The following ROBO2 variants were observed in gnomAD, a reference collection of about 807,000 sequenced individuals.
ROBO2 encodes the protein roundabout guidance receptor 2.
ROBO2 carries 53 observed loss-of-function variants against 160.8 expected under a neutral mutation model. The ratio of observed to expected loss-of-function variants is 0.33; its 90% CI spans 0.26 to 0.41. ROBO2 has a LOEUF of 0.41. Among genes scored for constraint, ROBO2 ranks in the 10% least tolerant of loss-of-function variants. The pLI, the probability that ROBO2 is intolerant of heterozygous loss-of-function variation, is 1.00. For missense variants in ROBO2, 1,577 were observed against 1,722.4 expected, an observed-to-expected ratio of 0.92 and a Z score of 1.49; for synonymous variants, 664 against 611.7, an observed-to-expected ratio of 1.09 and a Z score of -1.26.
At chr3:76,751,801 G>A (rs1307673094) in intron 2 of ROBO2, among the ~76,000 whole-genome samples, 1 of 152,144 alleles carries the variant, frequency 6.6e-6, no homozygotes, top group Non-Finnish European at 1.5e-5. Context: ...AACAGGTGCT[G>A]GAGAGGATGT....
At chr3:76,263,797 C>G (rs1296150639) in intron 2 of ROBO2, among the ~76,000 whole-genome samples, 1 of 151,998 alleles carries the variant, frequency 6.6e-6, no homozygotes, top group African/African-American at 2.4e-5. Context: ...CTATTTACAA[C>G]AGCAAAGACT....
intron 2 of ROBO2, among the ~76,000 whole-genome samples, chr3:76,931,267 T>C (rs2324698): frequency 0.034 from 5,183 of 152,284 alleles, 280 homozygotes; most frequent in African/African-American, 0.12. Flanking sequence ...AAAATAACTT[T>C]AAGCCAATTA....
intron 2 of ROBO2, among the ~76,000 whole-genome samples, chr3:77,168,005 G>GA (rs1173574259): frequency 3.3e-5 from 5 of 152,168 alleles, no homozygotes; most frequent in Admixed American, 6.5e-5. Flanking sequence ...ATTTAAATGA[G>GA]AAAAAATAAT....
intron 2 of ROBO2, among the ~76,000 whole-genome samples, chr3:77,269,495 C>T (rs2059350864): frequency 6.6e-6 from 1 of 152,108 alleles, no homozygotes; most frequent in African/African-American, 2.4e-5. Context: ...TAGAATTCAT[C>T]TGCGAGCCAC....
At chr3:76,539,116 T>C (rs1367914199) in intron 2 of ROBO2, among the ~76,000 whole-genome samples, 1 of 152,104 alleles carries the variant, frequency 6.6e-6, no homozygotes, top group Non-Finnish European at 1.5e-5. Flanking sequence ...ACACTGCACG[T>C]TCTCACTCAT....
chr3:76,468,274 A>C (rs2078463997), intron 2 of ROBO2, among the ~76,000 whole-genome samples: 1 of 152,168 alleles, frequency 6.6e-6, no homozygotes, highest in Admixed American at 6.6e-5. Flanking sequence ...TCAGCACTTT[A>C]AACAAATAAC....
At chr3:76,249,726 A>G (rs1462190818) in intron 2 of ROBO2, among the ~76,000 whole-genome samples, 2 of 152,122 alleles carry the variant, frequency 1.3e-5, no homozygotes, top group South Asian at 2.1e-4. Flanking sequence ...AAGACAGACA[A>G]TTCCACAATG....
chr3:77,345,344 C>A (rs1409258988), intron 2 of ROBO2, among the ~76,000 whole-genome samples: 2 of 152,066 alleles, frequency 1.3e-5, no homozygotes, highest in South Asian at 4.1e-4. Flanking sequence ...ACTTGGAAAT[C>A]ACACACCCTT....
At chr3:76,793,103 A>G (rs2063472584) in intron 2 of ROBO2, among the ~76,000 whole-genome samples, 1 of 151,888 alleles carries the variant, frequency 6.6e-6, no homozygotes, top group Admixed American at 6.6e-5. Context: ...TTGTATTTGT[A>G]TCCCAAATTT....
At chr3:77,045,385 T>C (rs1050794625) in intron 1 of ROBO2, among the ~76,000 whole-genome samples, 6 of 152,178 alleles carry the variant, frequency 3.9e-5, no homozygotes, top group Non-Finnish European at 7.3e-5. Context: ...CATGTTTGGA[T>C]TGATAATTCT....
At chr3:77,392,745 A>C (rs533864369) in intron 2 of ROBO2, among the ~76,000 whole-genome samples, 5 of 152,308 alleles carry the variant, frequency 3.3e-5, no homozygotes, top group African/African-American at 1.2e-4. Flanking sequence ...CCTTGAGCTA[A>C]ACATTAATTT....
chr3:76,566,324 A>C (rs1172442502), intron 2 of ROBO2, among the ~76,000 whole-genome samples: 1 of 152,184 alleles, frequency 6.6e-6, no homozygotes, highest in East Asian at 1.9e-4. Context: ...CTGTGAAGAG[A>C]GCACATGTAG....
At chr3:77,453,605 C>A (rs2218648) in intron 2 of ROBO2, among the ~76,000 whole-genome samples, 103,056 of 151,912 alleles carry the variant, frequency 0.68, 36,147 homozygotes, top group African/African-American at 0.86. Flanking sequence ...TATAATAAAT[C>A]CTCTGTTAGA....
intron 2 of ROBO2, among the ~76,000 whole-genome samples, chr3:77,362,359 A>G (rs1209472494): frequency 2.0e-5 from 3 of 152,144 alleles, no homozygotes; most frequent in African/African-American, 7.2e-5. Flanking sequence ...GCTAAGAGGA[A>G]GCATCTGGAG....
intron 2 of ROBO2, among the ~76,000 whole-genome samples, chr3:76,776,410 G>A (rs1472214710): frequency 6.6e-6 from 1 of 150,868 alleles, no homozygotes; most frequent in Non-Finnish European, 1.5e-5. Flanking sequence ...ATTGTGTTTA[G>A]CTCATATAAA....
At chr3:76,854,018 T>TTCTCTCTCTCTC (rs573633101) in intron 2 of ROBO2, among the ~76,000 whole-genome samples, 6 of 117,264 alleles carry the variant, frequency 5.1e-5, no homozygotes, top group South Asian at 3.2e-4. Context: ...AGCATAGACT[T>TTCTCTCTCTCTC]TCTCTCTCTC....
intron 2 of ROBO2, among the ~76,000 whole-genome samples, chr3:76,836,887 A>C (rs1166948): frequency 6.6e-6 from 1 of 151,490 alleles, no homozygotes; most frequent in South Asian, 2.1e-4. Context: ...GCAAATATCA[A>C]TTAGGTCGAT....
chr3:76,190,380 G>A (rs1701952630), intron 2 of ROBO2, among the ~76,000 whole-genome samples: 2 of 152,042 alleles, frequency 1.3e-5, no homozygotes, highest in African/African-American at 4.8e-5. Flanking sequence ...GCCTTCCACA[G>A]TTGGTAGCAA....
In ROBO2 at chr3:77,015,833, C is replaced by T. The variant is rs143349679; in HGVS notation, c.110-82181C>T. 5.5e-3 allele frequency among the ~76,000 whole-genome samples: 830 copies of T among 152,268 alleles called. 6 individuals are homozygous for T. Among genetic ancestry groups the T allele is most frequent in the Non-Finnish European group, 9.1e-3 (618 of 68,008 alleles). ...ATCTTAACACATTAGAAATCTAAAA[C>T]ATAATGTGTTTAAATCACATGTCTA... On this transcript the variant is annotated intron_variant, in intron 2 of 26. Coordinates refer to the ROBO2 transcript ENST00000487694.
Sources: allele counts gnomAD v4.1 joint callset (sites outside exome capture counted in the v4.1 genomes callset), GRCh38; gene constraint gnomAD v4.1.1; transcripts MANE v1.5; gene names NCBI Gene and HGNC (gene_info 2026-07-23, HGNC 2026-07-21).